Variants in NAALADL2 observed in about 807,000 individuals in gnomAD.
The protein encoded by NAALADL2 is N-acetylated alpha-linked acidic dipeptidase like 2, also known as inactive N-acetylated-alpha-linked acidic dipeptidase-like protein 2.
NAALADL2 carries 76 observed loss-of-function variants against 87.2 expected under a neutral mutation model. That is an observed-to-expected ratio of 0.87 (90% CI 0.72 to 1.05). The LOEUF is 1.05. Among genes scored for constraint, NAALADL2 ranks in the 50% least tolerant of loss-of-function variants. NAALADL2 has a pLI of 0.00. For missense variants in NAALADL2, 1,089 were observed against 945.8 expected (o/e 1.15, Z -1.99); for synonymous variants, 354 against 331.0 (o/e 1.07, Z -0.75).
chr3:174,692,582 T>C (rs752750295), intron 2 of NAALADL2, among the ~76,000 whole-genome samples: 1 of 152,170 alleles, frequency 6.6e-6, no homozygotes, highest in Non-Finnish European at 1.5e-5. Flanking sequence ...GTATTTTAAG[T>C]CTTTTGGCTT....
At chr3:175,729,664 G>A (rs896040076) in intron 11 of NAALADL2, among the ~76,000 whole-genome samples, 1 of 152,012 alleles carries the variant, frequency 6.6e-6, no homozygotes, top group African/African-American at 2.4e-5. Context: ...TTCTGACCAT[G>A]AGTCATCCCT....
intron 5 of NAALADL2, among the ~76,000 whole-genome samples, chr3:175,394,904 C>T (rs368135402): frequency 2.0e-5 from 3 of 152,242 alleles, no homozygotes; most frequent in African/African-American, 7.2e-5. Flanking sequence ...TCATTCTTAC[C>T]TCCGATTTTA....
chr3:175,277,245 C>A (rs949387406), intron 4 of NAALADL2, among the ~76,000 whole-genome samples: 2 of 152,144 alleles, frequency 1.3e-5, no homozygotes, highest in Non-Finnish European at 2.9e-5. Flanking sequence ...GCCAACATAT[C>A]TTTACTACCC....
At chr3:175,274,952 A>G (rs1560275105) in intron 4 of NAALADL2, among the ~76,000 whole-genome samples, 1 of 152,216 alleles carries the variant, frequency 6.6e-6, no homozygotes, top group African/African-American at 2.4e-5. Flanking sequence ...GAAGACAAAT[A>G]CTACAAAGTA....
intron 1 of NAALADL2, among the ~76,000 whole-genome samples, chr3:175,041,357 T>G (rs573271684): frequency 2.0e-5 from 3 of 152,310 alleles, no homozygotes; most frequent in Non-Finnish European, 4.4e-5. Context: ...TAAGAATATC[T>G]ATTTGCAGAA....
At chr3:175,692,776 A>T (rs1737221427) in intron 11 of NAALADL2, among the ~76,000 whole-genome samples, 1 of 152,192 alleles carries the variant, frequency 6.6e-6, no homozygotes, top group South Asian at 2.1e-4. Context: ...CTGTGGAAAC[A>T]AAACTATGAT....
chr3:174,785,762 A>G (rs140986430), intron 3 of NAALADL2, among the ~76,000 whole-genome samples: 3 of 152,276 alleles, frequency 2.0e-5, no homozygotes, highest in Non-Finnish European at 4.4e-5. Flanking sequence ...ATTTTGTCTT[A>G]TGCTGTTTGA....
chr3:174,985,123 C>T (rs143909277), intron 1 of NAALADL2, among the ~76,000 whole-genome samples: 107 of 152,164 alleles, frequency 7.0e-4, no homozygotes, highest in African/African-American at 2.3e-3. Flanking sequence ...GAATTTGGAA[C>T]GTAGGGAAAA....
chr3:175,278,138 A>G (rs115705846), intron 4 of NAALADL2, among the ~76,000 whole-genome samples: 1,587 of 152,262 alleles, frequency 0.01, 31 homozygotes, highest in African/African-American at 0.037. Context: ...TAATAATAAT[A>G]ATAATAATTT....
intron 1 of NAALADL2, among the ~76,000 whole-genome samples, chr3:174,874,389 A>C (rs1001755373): frequency 3.3e-5 from 5 of 152,200 alleles, no homozygotes; most frequent in African/African-American, 4.8e-5. Flanking sequence ...ATAGTGGACA[A>C]TAAGGCAGCA....
chr3:175,294,265 T>G (rs1289083568), intron 4 of NAALADL2, among the ~76,000 whole-genome samples: 1 of 152,230 alleles, frequency 6.6e-6, no homozygotes, highest in Non-Finnish European at 1.5e-5. Flanking sequence ...CTTCTATTCC[T>G]TGAAGATTTA....
At chr3:175,141,550 T>C (rs1729995417) in intron 2 of NAALADL2, among the ~76,000 whole-genome samples, 1 of 152,034 alleles carries the variant, frequency 6.6e-6, no homozygotes, top group African/African-American at 2.4e-5. Context: ...ATATCCAATA[T>C]GAACTTTGCT....
intron 9 of NAALADL2, among the ~76,000 whole-genome samples, chr3:175,559,771 A>G (rs1437866725): frequency 6.6e-6 from 1 of 152,260 alleles, no homozygotes; most frequent in Non-Finnish European, 1.5e-5. Flanking sequence ...CCAATCTTGT[A>G]TCACTGGGGT....
intron 11 of NAALADL2, among the ~76,000 whole-genome samples, chr3:175,681,385 A>G (rs1045405433): frequency 1.3e-5 from 2 of 152,106 alleles, no homozygotes; most frequent in Non-Finnish European, 2.9e-5. Context: ...TACATTCTTC[A>G]TGGTATCTCT....
rs1204702436 is a variant in NAALADL2, at chr3:174,624,618, C to T, written c.-115+73981C>T. ...CAGCCTGGGCGACAGAGCGAGACTC[C>T]ATCTCAAAAAAAAAAAAAAAGTTGG... is the stretch of plus-strand genomic sequence containing the variant. On this transcript the variant is annotated intron_variant, in intron 2 of 3. Transcript: ENST00000434257. 3.0e-5 allele frequency among the ~76,000 whole-genome samples: 3 copies of T among 99,236 alleles called. No individual in the cohort carries two copies. In the Admixed American group the frequency reaches 3.5e-4, roughly 12 times the overall value. The allele number at this position is 99,236 out of a possible 152,430, so 65.1% of individuals were successfully genotyped here.
In NAALADL2 at chr3:175,209,890, A is replaced by T. The variant is rs73881444; in HGVS notation, c.546-24041A>T. On this transcript the variant is annotated intron_variant, in intron 2 of 13. Transcript: ENST00000454872. ...TTATGTGCAGCATTTAAAAAAATTAAAAATAAATAAATAAAGTCTACAAGT... is the reference window on the plus strand; with the variant it reads ...TTATGTGCAGCATTTAAAAAAATTATAAATAAATAAATAAAGTCTACAAGT... Among the ~76,000 whole-genome samples the T allele has an allele frequency of 8.4e-3, 1,275 of 151,886 alleles. 16 individuals carry two copies. The highest frequency in any genetic ancestry group is 0.028 in the African/African-American group (1,167 of 41,488).
intron 2 of NAALADL2, among the ~76,000 whole-genome samples, chr3:174,636,566 C>G (rs1578388752): frequency 6.6e-6 from 1 of 152,100 alleles, no homozygotes; most frequent in Non-Finnish European, 1.5e-5. Flanking sequence ...CTCAACATCA[C>G]TGTTCATCAG....
At position 175,375,174 on chromosome 3, in the gene NAALADL2, CA is replaced by C. The variant is rs764410352; in HGVS notation, c.1090+50850del. On this transcript the variant is annotated intron_variant, in intron 5 of 13. Transcript: ENST00000454872. ...CTTATAGCAATATAACCAAATTGAT[CA>C]CACTAGTTTTGTAGTTAGTCTTGAC... Among the ~76,000 whole-genome samples, 3 of 152,104 alleles carry C rather than the reference CA, an allele frequency of 2.0e-5. No homozygotes were observed. The East Asian group carries it at 5.8e-4, about 29-fold the overall frequency.
At chr3:174,660,763 CTTA>C (rs1204361981) in intron 2 of NAALADL2, among the ~76,000 whole-genome samples, 2 of 151,912 alleles carry the variant, frequency 1.3e-5, no homozygotes, top group Non-Finnish European at 2.9e-5. Context: ...TAATTTTTGC[CTTA>C]TTATTAAAGC....
Sources: gnomAD v4.1 joint callset for allele counts (sites outside exome capture counted in the v4.1 genomes callset) on GRCh38, gnomAD v4.1.1 for gene constraint, MANE v1.5 for transcripts, NCBI Gene and HGNC (gene_info 2026-07-23, HGNC 2026-07-21) for gene names.